Variants in TJP3 observed in about 807,000 individuals in gnomAD.
TJP3 encodes the protein tight junction protein ZO-3.
In TJP3, 85 loss-of-function variants were observed where a neutral mutation model predicts 104.2. The observed-to-expected ratio is 0.82, with a 90% CI of 0.68 to 0.98. TJP3 has a LOEUF of 0.98. TJP3 is among the 50% of genes least tolerant of loss of function. The probability of loss-of-function intolerance (pLI) is 0.00; values close to 1 mark genes in which losing one functional copy is unlikely to be tolerated. For synonymous variants in TJP3, 550 were observed against 550.6 expected (o/e 1.00, Z 0.02); for missense variants, 1,367 against 1,322.8 (o/e 1.03, Z -0.52).
In TJP3 at chr19:3,739,113, G is replaced by A. The variant is rs1460991350; in HGVS notation, c.1610G>A (p.Gly537Asp). The A allele has an allele frequency of 2.6e-6, 4 of 1,568,434 alleles. No individual in the cohort carries two copies. The highest frequency in any genetic ancestry group is 1.8e-5 in the Admixed American group (1 of 56,914). Reference protein sequence around the residue: ...MGRDLREQERGIIPNQSRAEQ... With the variant: ...MGRDLREQERDIIPNQSRAEQ... ...CGTGACCTGCGGGAGCAAGAGCGGG[G>A]CATCATTCCCAACCAGAGCAGGTGG... Residue 537 changes from glycine (G) to aspartate (D), a missense_variant, in exon 13 of 21, where the codon GGC becomes GAC. Transcript: ENST00000541714.
chr19:3,744,587 C>T (rs556469830), intron 15 of TJP3, among the ~76,000 whole-genome samples: 1 of 152,038 alleles, frequency 6.6e-6, no homozygotes, highest in East Asian at 1.9e-4. Context: ...TTGCTTGAAC[C>T]CGTGAGGCAG....
chr19:3,726,950 C>G (rs909796665), intron 1 of TJP3, among the ~76,000 whole-genome samples: 1 of 150,986 alleles, frequency 6.6e-6, no homozygotes, highest in Admixed American at 6.6e-5. Flanking sequence ...AGCCGGGCAT[C>G]GTGATGTGTG....
At chr19:3,717,942 A>G (rs945968236) in intron 1 of TJP3, among the ~76,000 whole-genome samples, 53 of 142,990 alleles carry the variant, frequency 3.7e-4, no homozygotes, top group East Asian at 2.4e-3. Flanking sequence ...AAGGCCGGGC[A>G]CGATGGCTCA....
rs751492362 is a variant in TJP3, at chr19:3,740,726, C to T, written c.1806C>T (p.Gly602=). The change falls in exon 14 of 21, where the codon GGC becomes GGT. Residue 602 remains glycine, a synonymous_variant. Coordinates refer to ENST00000541714, the MANE Select transcript of TJP3 (RefSeq NM_001267560.2). ...REDLSALTRQ[G]RYPPYERVVL... ...ACCTCTCAGCTCTGACCCGACAGGG[C>T]CGCTACCCGCCCTACGAACGAGTGG... The T allele has an allele frequency of 6.3e-7, 1 of 1,596,272 alleles. No individual in the cohort carries two copies. Among genetic ancestry groups the T allele is most frequent in the Non-Finnish European group, 8.5e-7 (1 of 1,172,304 alleles).
intron 11 of TJP3, 118 bp from the exon 12 acceptor site, chr19:3,738,437 C>A: frequency 1.2e-6 from 1 of 856,274 alleles, no homozygotes; most frequent in Non-Finnish European, 1.9e-6. Context: ...TGCCGGGTCC[C>A]TTGGCAGCAG....
chr19:3,729,225 C>G (rs1026376827), intron 3 of TJP3, among the ~76,000 whole-genome samples: 1 of 151,980 alleles, frequency 6.6e-6, no homozygotes, highest in African/African-American at 2.4e-5. Flanking sequence ...GGCCCCAGAG[C>G]CCTTTTGGAA....
At chr19:3,733,163 G>A (rs1180276375) in intron 6 of TJP3, among the ~76,000 whole-genome samples, 3 of 151,910 alleles carry the variant, frequency 2.0e-5, no homozygotes, top group Non-Finnish European at 4.4e-5. Flanking sequence ...AGTCTCCTGA[G>A]TAGCTGGGAC....
At chr19:3,718,340 T>C (rs893987624) in intron 1 of TJP3, among the ~76,000 whole-genome samples, 4 of 148,072 alleles carry the variant, frequency 2.7e-5, no homozygotes, top group Non-Finnish European at 6.0e-5. Flanking sequence ...GCCTCGGCCT[T>C]CCAAAGTGCT....
At chr19:3,713,538 GCGGAGAGA>G (rs2145662216) in intron 1 of TJP3, among the ~76,000 whole-genome samples, 1 of 152,310 alleles carries the variant, frequency 6.6e-6, no homozygotes, top group East Asian at 1.9e-4. Context: ...CAAAGGGCCT[GCGGAGAGA>G]CGTGAATAAA....
chr19:3,724,177 G>C (rs1019567868), intron 1 of TJP3, among the ~76,000 whole-genome samples: 4 of 152,028 alleles, frequency 2.6e-5, no homozygotes, highest in African/African-American at 9.7e-5. Context: ...TGGGTTCGGG[G>C]GCCCTGGTTC....
intron 14 of TJP3, among the ~76,000 whole-genome samples, chr19:3,741,807 A>G (rs1381015396): frequency 2.0e-5 from 3 of 149,282 alleles, no homozygotes; most frequent in Non-Finnish European, 4.5e-5. Context: ...CATCTCTACT[A>G]AAAGTACAAA....
chr19:3,737,659 C>T (rs914623075), intron 11 of TJP3, among the ~76,000 whole-genome samples: 1 of 152,184 alleles, frequency 6.6e-6, no homozygotes, highest in African/African-American at 2.4e-5. Flanking sequence ...TGTGTCTTGA[C>T]CTTGCAGTGT....
chr19:3,736,264 G>A lies in TJP3; in HGVS notation c.1227G>A (p.Val409=), dbSNP rs2036738438. 7 of 1,549,578 alleles carry A rather than the reference G, an allele frequency of 4.5e-6. No homozygotes were observed. The highest frequency in any genetic ancestry group is 6.1e-6 in the Non-Finnish European group (7 of 1,150,400). The change falls in exon 11 of 21, where the codon GTG becomes GTA. Residue 409 remains valine (V), a synonymous_variant. Coordinates refer to ENST00000541714, the MANE Select transcript of TJP3 (RefSeq NM_001267560.2). The part of the protein sequence containing the change: ...GNDVGIFVSG[V]QAGSPADGQG... ...ACGTGGGCATCTTCGTGTCCGGGGTGCAGGCGGGCAGCCCGGCCGACGGGC... is the reference window on the plus strand; with the variant it reads ...ACGTGGGCATCTTCGTGTCCGGGGTACAGGCGGGCAGCCCGGCCGACGGGC...
chr19:3,728,504 G>C, intron 2 of TJP3, 24 bp downstream of exon 2: 3 of 1,605,844 alleles, frequency 1.9e-6, no homozygotes, highest in Admixed American at 3.4e-5. Flanking sequence ...CTCCCTGTCT[G>C]GGTGCCAGAG....
At chr19:3,738,008 G>A (rs1408722639) in intron 11 of TJP3, among the ~76,000 whole-genome samples, 2 of 151,752 alleles carry the variant, frequency 1.3e-5, no homozygotes, top group African/African-American at 4.9e-5. Flanking sequence ...GTATATTGCT[G>A]TCCATGTCAT....
At position 3,730,126 on chromosome 19, in the gene TJP3, A is replaced by G. The variant is rs761569837; in HGVS notation, c.257A>G (p.Asn86Ser). 1.9e-6 allele frequency: 3 copies of G among 1,614,042 alleles called. No homozygotes were observed. In the South Asian group the frequency reaches 3.3e-5, roughly 18 times the overall value. Residue 86 changes from asparagine to serine, a missense_variant, in exon 4 of 21, where the codon AAC (asparagine) becomes AGC (serine). Coordinates refer to ENST00000541714, the MANE Select transcript of TJP3 (RefSeq NM_001267560.2). The surrounding 1 kb of genome is among the most constrained non-coding windows in gnomAD (Gnocchi z 7.3). ...QILKTCTKMA[N>S]ITVKRPRRIH... ...CTCAAGACCTGCACCAAGATGGCCA[A>G]CATCGTGAGTAGGCAGCCCCTGGCA...
Position 3,734,341 on chromosome 19 carries a change from G to A in TJP3, c.892G>A (p.Ala298Thr), listed in dbSNP as rs746985820. The A allele has an allele frequency of 5.6e-6, 9 of 1,613,700 alleles. No individual in the cohort carries two copies. The highest frequency in any genetic ancestry group is 1.1e-5 in the South Asian group (1 of 91,076). ...SSPLEDISDL[A>T]SELSQAPPSH... ...TCCCCCTGCAGACATCTCGGACCTC[G>A]CCTCGGAGCTATCGCAGGCACCACC... is the stretch of plus-strand genomic sequence containing the variant. Residue 298 changes from alanine to threonine, a missense_variant, in exon 8 of 21, where the codon GCC (alanine) becomes ACC (threonine). By Grantham distance (58) the Ala-to-Thr change is moderately conservative. Transcript: ENST00000541714.
At chr19:3,714,190 C>T (rs759535417) in intron 1 of TJP3, among the ~76,000 whole-genome samples, 3 of 152,112 alleles carry the variant, frequency 2.0e-5, no homozygotes, top group Non-Finnish European at 4.4e-5. Context: ...GCAGGGATTA[C>T]AGCAGCCCGC....
chr19:3,718,944 G>A (rs531749885), intron 1 of TJP3, among the ~76,000 whole-genome samples: 1 of 152,028 alleles, frequency 6.6e-6, no homozygotes, highest in East Asian at 1.9e-4. Flanking sequence ...AACACTTTCA[G>A]AGGCCGAGGT....
Sources: gnomAD v4.1 joint callset for allele counts (sites outside exome capture counted in the v4.1 genomes callset) on GRCh38, gnomAD v4.1.1 for gene constraint, Gnocchi (gnomAD v3.1) non-coding constraint, MANE v1.5 for transcripts, NCBI Gene and HGNC (gene_info 2026-07-23, HGNC 2026-07-21) for gene names.